FAM83B: variants seen among roughly 807,000 people sequenced by gnomAD.
The protein encoded by FAM83B is scaffolding CK1 anchoring protein B.
FAM83B carries 26 observed loss-of-function variants against 38.8 expected under a neutral mutation model. That is an observed-to-expected ratio of 0.67 (90% CI 0.49 to 0.93). FAM83B has a LOEUF of 0.93. FAM83B is among the 40% of genes least tolerant of loss of function. FAM83B has a pLI of 0.00. For missense variants in FAM83B, 1,237 were observed against 1,197.3 expected (o/e 1.03, Z -0.49); for synonymous variants, 419 against 423.1 (o/e 0.99, Z 0.12).
chr6:54,861,190 T>C (rs1447946093), intron 1 of FAM83B, among the ~76,000 whole-genome samples: 1 of 152,252 alleles, frequency 6.6e-6, no homozygotes, highest in Non-Finnish European at 1.5e-5. Flanking sequence ...TTGAGATGAA[T>C]TTGAGCAAAT....
chr6:54,909,561 T>C (rs986521694), intron 2 of FAM83B, among the ~76,000 whole-genome samples: 46 of 152,196 alleles, frequency 3.0e-4, no homozygotes, highest in African/African-American at 1.0e-3. Context: ...GTTTAGTATT[T>C]GAAAATAACT....
rs150957238 is a variant in FAM83B, at chr6:54,870,648, G to A, written c.402G>A (p.Thr134=). 991 of 1,609,328 alleles carry A rather than the reference G, an allele frequency of 6.2e-4. 7 individuals are homozygous for A. The highest frequency in any genetic ancestry group is 2.8e-4 in the African/African-American group (21 of 74,448). The stretch of plus-strand genomic sequence containing the variant: ...ATCCACCAAGAGCACATCTACTTAC[G>A]ATAAAAGAAACTATTCGGAAGATGA... ...LFHPPRAHLL[T]IKETIRKMIK... is the part of the protein sequence containing the mutation. The change falls in exon 2 of 5, where the codon ACG becomes ACA. Residue 134 remains threonine, a synonymous_variant. Transcript: ENST00000306858.
intron 2 of FAM83B, among the ~76,000 whole-genome samples, chr6:54,896,641 A>T (rs1772544015): frequency 1.3e-5 from 2 of 152,228 alleles, no homozygotes; most frequent in Non-Finnish European, 2.9e-5. Context: ...AAAGCAAAAG[A>T]ATATGGCCAC....
intron 2 of FAM83B, among the ~76,000 whole-genome samples, chr6:54,923,060 G>A (rs1035969542): frequency 5.9e-5 from 9 of 152,046 alleles, no homozygotes; most frequent in East Asian, 3.9e-4. Flanking sequence ...AGGAAGAATA[G>A]TATATGGAGC....
chr6:54,890,497 T>C (rs888530964), intron 2 of FAM83B, among the ~76,000 whole-genome samples: 1 of 152,100 alleles, frequency 6.6e-6, no homozygotes, highest in African/African-American at 2.4e-5. Flanking sequence ...TGTATGTCCA[T>C]ATTATTTTAT....
chr6:54,871,055 G>A (rs1484330777), intron 2 of FAM83B, among the ~76,000 whole-genome samples: 1 of 152,128 alleles, frequency 6.6e-6, no homozygotes, highest in African/African-American at 2.4e-5. Flanking sequence ...TGGATATGGT[G>A]AAGTTTTCTT....
chr6:54,926,262 T>C, intron 2 of FAM83B, 109 bp from the exon 3 acceptor site: 1 of 562,898 alleles, frequency 1.8e-6, no homozygotes, highest in South Asian at 3.3e-5. Flanking sequence ...TACATACATA[T>C]ATGTATTTAA....
chr6:54,935,108 C>T (rs907129042), intron 4 of FAM83B, among the ~76,000 whole-genome samples: 1 of 152,130 alleles, frequency 6.6e-6, no homozygotes, highest in Non-Finnish European at 1.5e-5. Flanking sequence ...TTTCCACCAA[C>T]ATAAACATCT....
At position 54,880,733 on chromosome 6, in the gene FAM83B, G is replaced by A. The variant is rs369294216; in HGVS notation, c.444+10043G>A. ...GCTGGGATTAAAGGTGTGAGCCACT[G>A]CGCCCAGTCGAAGGTTTATTTTTTA... On this transcript the variant is annotated intron_variant, in intron 2 of 4. Transcript: ENST00000306858. 1.1e-4 allele frequency among the ~76,000 whole-genome samples: 16 copies of A among 152,224 alleles called. No individual in the cohort carries two copies. The East Asian group carries it at 3.1e-3, about 29-fold the overall frequency.
intron 2 of FAM83B, among the ~76,000 whole-genome samples, chr6:54,876,565 C>T (rs927218483): frequency 2.6e-5 from 4 of 151,638 alleles, no homozygotes; most frequent in African/African-American, 4.8e-5. Flanking sequence ...GTGATCCACC[C>T]GCCTCAGCCT....
At chr6:54,851,524 G>T (rs902066832) in intron 1 of FAM83B, among the ~76,000 whole-genome samples, 1 of 152,070 alleles carries the variant, frequency 6.6e-6, no homozygotes, top group Non-Finnish European at 1.5e-5. Flanking sequence ...CCAGGCTGGA[G>T]TGCCATGGCG....
In FAM83B at chr6:54,860,342, A is replaced by C. The variant is rs928270583; in HGVS notation, c.-60-9845A>C. Among the ~76,000 whole-genome samples, 10 of 152,180 alleles carry C rather than the reference A, an allele frequency of 6.6e-5. No individual in the cohort carries two copies. The East Asian group carries it at 1.9e-3, about 29-fold the overall frequency. ...AGACAGGGATGTGCTTAGAGAGAGC[A>C]TGAAAGCTCCTCACTTCCTCTATAC... is the stretch of plus-strand genomic sequence containing the variant. On this transcript the variant is annotated intron_variant, in intron 1 of 4. Transcript: ENST00000306858.
chr6:54,905,273 C>G (rs1340877426), intron 2 of FAM83B, among the ~76,000 whole-genome samples: 12 of 152,110 alleles, frequency 7.9e-5, no homozygotes, highest in African/African-American at 2.9e-4. Context: ...GACTGGGTGG[C>G]AGGAATCCTC....
At chr6:54,882,391 A>G (rs1049921651) in intron 2 of FAM83B, among the ~76,000 whole-genome samples, 6 of 152,214 alleles carry the variant, frequency 3.9e-5, no homozygotes, top group Admixed American at 3.3e-4. Flanking sequence ...TCTCTAACGT[A>G]GATACCTTTA....
At position 54,872,809 on chromosome 6, in the gene FAM83B, G is replaced by A. The variant is rs912029646; in HGVS notation, c.444+2119G>A. Among the ~76,000 whole-genome samples the A allele has an allele frequency of 2.0e-5, 3 of 152,168 alleles. No individual in the cohort carries two copies. In the East Asian group the frequency reaches 5.8e-4, roughly 29 times the overall value. ...GAAGTCCATACTGTAAAACAGTAATGTGATGTGTGCTTCTCTTTCATAAAA... is the reference window on the plus strand; with the variant it reads ...GAAGTCCATACTGTAAAACAGTAATATGATGTGTGCTTCTCTTTCATAAAA... On this transcript the variant is annotated intron_variant, in intron 2 of 4. Transcript: ENST00000306858.
At chr6:54,937,669 G>A (rs1004719755) in intron 4 of FAM83B, among the ~76,000 whole-genome samples, 7 of 151,962 alleles carry the variant, frequency 4.6e-5, no homozygotes, top group African/African-American at 4.8e-5. Flanking sequence ...TATGCTGTCC[G>A]TATCCTTACA....
chr6:54,937,449 C>A (rs1171510870), intron 4 of FAM83B, among the ~76,000 whole-genome samples: 1 of 152,066 alleles, frequency 6.6e-6, no homozygotes, highest in Admixed American at 6.6e-5. Flanking sequence ...TTTACTAATA[C>A]TATGTACAGT....
At chr6:54,934,735 A>G (rs777783146) in intron 4 of FAM83B, among the ~76,000 whole-genome samples, 30 of 152,160 alleles carry the variant, frequency 2.0e-4, no homozygotes, top group Non-Finnish European at 4.0e-4. Flanking sequence ...GGAGTGCTTC[A>G]TGGGAAAGGA....
At chr6:54,894,842 A>C (rs1333914625) in intron 2 of FAM83B, among the ~76,000 whole-genome samples, 1 of 152,220 alleles carries the variant, frequency 6.6e-6, no homozygotes, top group African/African-American at 2.4e-5. Context: ...AGCTTAGGGC[A>C]GTGGTTGAGA....
Sources: allele counts gnomAD v4.1 joint callset (sites outside exome capture counted in the v4.1 genomes callset), GRCh38; gene constraint gnomAD v4.1.1; transcripts MANE v1.5; gene names NCBI Gene and HGNC (gene_info 2026-07-23, HGNC 2026-07-21).